Variants in CEP290 observed in about 807,000 individuals in gnomAD.
The protein encoded by CEP290 is centrosomal protein of 290 kDa.
In CEP290, 317 loss-of-function variants were observed where a neutral mutation model predicts 344.9. The ratio of observed to expected loss-of-function variants is 0.92; its 90% CI spans 0.84 to 1.01. The LOEUF (loss-of-function observed/expected upper bound fraction) is 1.01, where lower values mean the gene tolerates loss of function less well. CEP290 is among the 50% of genes least tolerant of loss of function. The pLI is 0.00. For synonymous variants in CEP290, 932 were observed against 895.8 expected, an observed-to-expected ratio of 1.04 and a Z score of -0.72; for missense variants, 2,754 against 2,761.4, an observed-to-expected ratio of 1.00 and a Z score of 0.06.
chr12:88,096,291 T>C (rs2037426440), intron 27 of CEP290, among the ~76,000 whole-genome samples: 1 of 152,084 alleles, frequency 6.6e-6, no homozygotes, highest in African/African-American at 2.4e-5. Context: ...CCAGGGGATC[T>C]GCTCTCCTCA....
chr12:88,130,614 C>T (rs2040010794), intron 7 of CEP290, 49 bp from the exon 8 acceptor site: 2 of 1,462,410 alleles, frequency 1.4e-6, no homozygotes, highest in African/African-American at 1.5e-5. Context: ...AAAGGTAATA[C>T]ATAATTAAAA....
intron 29 of CEP290, 110 bp downstream of exon 29, chr12:88,092,571 A>C (rs1565852361): frequency 1.2e-6 from 1 of 837,332 alleles, no homozygotes; most frequent in East Asian, 2.8e-5. Flanking sequence ...TTATAAAAAG[A>C]AATCAGTATC....
At chr12:88,139,844 T>C (rs1404863013) in intron 3 of CEP290, among the ~76,000 whole-genome samples, 1 of 152,170 alleles carries the variant, frequency 6.6e-6, no homozygotes, top group East Asian at 1.9e-4. Flanking sequence ...TCTTCCCATC[T>C]CAGTCTCCTG....
At chr12:88,116,826 T>A (rs890838881) in intron 18 of CEP290, among the ~76,000 whole-genome samples, 1 of 151,736 alleles carries the variant, frequency 6.6e-6, no homozygotes, top group Non-Finnish European at 1.5e-5. Context: ...TACAAAAAAT[T>A]AGCCGGGCGT....
chr12:88,096,337 T>C (rs1316506842), intron 27 of CEP290, among the ~76,000 whole-genome samples: 1 of 152,050 alleles, frequency 6.6e-6, no homozygotes. Flanking sequence ...TGTGAGCCAC[T>C]GCGCCGGCCA....
In CEP290 at chr12:88,121,007, T is replaced by C. The variant is rs777867610; in HGVS notation, c.1349A>G (p.Asp450Gly). 5.6e-6 allele frequency: 9 copies of C among 1,609,902 alleles called. No individual in the cohort carries two copies. Among genetic ancestry groups the C allele is most frequent in the Non-Finnish European group, 7.6e-6 (9 of 1,178,976 alleles). ...ELVEALKRLK[D>G]YESGVYGLED... ...GATAAAAATACATACCGATTCATAATCTTTTAACCTCTTCAGAGCCTCAAC... is the reference window on the plus strand; with the variant it reads ...GATAAAAATACATACCGATTCATAACCTTTTAACCTCTTCAGAGCCTCAAC... Residue 450 changes from aspartate to glycine, a missense_variant, in exon 14 of 54, where the codon GAT becomes GGT. Transcript: ENST00000552810.
intron 19 of CEP290, among the ~76,000 whole-genome samples, chr12:88,114,796 C>T (rs1225065441): frequency 6.6e-6 from 1 of 152,122 alleles, no homozygotes; most frequent in African/African-American, 2.4e-5. Flanking sequence ...TCTGCCTTAA[C>T]TTAAACTATG....
intron 31 of CEP290, 50 bp downstream of exon 31, chr12:88,088,982 C>G: frequency 1.5e-6 from 2 of 1,325,074 alleles, no homozygotes; most frequent in Non-Finnish European, 2.0e-6. Flanking sequence ...GCCTGGGAAA[C>G]AGATCAAGAT....
chr12:88,111,802 G>T lies in CEP290; in HGVS notation c.2109C>A (p.Ala703=). ...TTCTTCCGGTAAGCTGATCAACTTG[G>T]GCTTTCAAATGCAGACTCGCATCAA... ...GIFDASLHLK[A]QVDQLTGRNE... Residue 703 remains alanine, a synonymous_variant, in exon 21 of 54, where the codon GCC becomes GCA. Coordinates refer to ENST00000552810, the MANE Select transcript of CEP290 (RefSeq NM_025114.4). 6.2e-7 allele frequency: 1 copy of T among 1,604,986 alleles called. No homozygotes were observed. The highest frequency in any genetic ancestry group is 1.3e-5 in the African/African-American group (1 of 74,492).
chr12:88,073,182 T>C (rs1451332073), intron 41 of CEP290, among the ~76,000 whole-genome samples: 1 of 152,226 alleles, frequency 6.6e-6, no homozygotes, highest in African/African-American at 2.4e-5. Context: ...GGTTTTACTA[T>C]ACACTAAGTT....
At chr12:88,092,924 A>C in intron 28 of CEP290, 92 bp from the exon 29 acceptor site, 1 of 1,196,952 alleles carries the variant, frequency 8.4e-7, no homozygotes, top group South Asian at 1.3e-5. Flanking sequence ...AATCCTCTTT[A>C]CTTGGCCTTA....
rs768235992 is a variant in CEP290 at position 88,107,008 on chromosome 12, T to C, written c.2574A>G (p.Val858=). The C allele has an allele frequency of 2.6e-6, 4 of 1,546,778 alleles. No individual in the cohort carries two copies. The South Asian group carries it at 3.7e-5, about 14-fold the overall frequency. ...EDQVQQDAIK[V]KEYNNLLNAL... ...ATGTTTTACTTACATTATATTCTTT[T>C]ACTTTTATAGCATCTTGTTGGACTT... Residue 858 remains valine, a synonymous_variant, in exon 24 of 54, where the codon GTA becomes GTG. Transcript: ENST00000552810.
At chr12:88,086,555 G>A in intron 32 of CEP290, 57 bp from the exon 33 acceptor site, 2 of 1,147,198 alleles carry the variant, frequency 1.7e-6, no homozygotes, top group East Asian at 2.6e-5. Context: ...GCACATAACA[G>A]GCATTTTATA....
At chr12:88,104,022 CT>C (rs2038092288) in intron 25 of CEP290, 1 of 151,958 alleles carries the variant, frequency 6.6e-6, no homozygotes, top group African/African-American at 2.4e-5. Context: ...AAAACTAATT[CT>C]TTTCTCTTTC....
intron 35 of CEP290, among the ~76,000 whole-genome samples, chr12:88,084,178 A>G (rs1482072518): frequency 3.5e-4 from 53 of 152,164 alleles, no homozygotes; most frequent in Non-Finnish European, 4.4e-5. Flanking sequence ...TAACATTAGA[A>G]TGACATGTAT....
chr12:88,080,926 A>G (rs1432554175), intron 37 of CEP290, among the ~76,000 whole-genome samples: 1 of 152,196 alleles, frequency 6.6e-6, no homozygotes, highest in African/African-American at 2.4e-5. Context: ...AGTTTCTAAT[A>G]TTTTTGGCAA....
At chr12:88,138,307 A>C (rs999112168) in intron 5 of CEP290, among the ~76,000 whole-genome samples, 1 of 152,184 alleles carries the variant, frequency 6.6e-6, no homozygotes, top group Admixed American at 6.5e-5. Context: ...TCTATTCTAC[A>C]GCAGCTACCT....
chr12:88,087,749 G>T, intron 32 of CEP290, 31 bp downstream of exon 32: 3 of 823,580 alleles, frequency 3.6e-6, no homozygotes, highest in Non-Finnish European at 5.0e-6. Context: ...AAAAACTTAG[G>T]GAAAAAAATG....
Position 88,060,906 on chromosome 12 carries a change from T to C in CEP290, c.6446A>G (p.Glu2149Gly). The change falls in exon 47 of 54, where the codon GAA becomes GGA. Residue 2149 changes from glutamate (E) to glycine (G), a missense_variant. Coordinates refer to ENST00000552810, the MANE Select transcript of CEP290 (RefSeq NM_025114.4). ...TATTCCTGATGCTTTTTTCAACTGT[T>C]CATTTTCTCTCTGGACTTTTTCAAC... The part of the protein sequence containing the change: ...KVVEKVQREN[E>G]QLKKASGILT... The C allele has an allele frequency of 1.3e-6, 2 of 1,555,488 alleles. No individual in the cohort carries two copies. Among genetic ancestry groups the C allele is most frequent in the Admixed American group, 2.0e-5 (1 of 50,846 alleles).
Sources: allele counts gnomAD v4.1 joint callset (sites outside exome capture counted in the v4.1 genomes callset), GRCh38; gene constraint gnomAD v4.1.1; transcripts MANE v1.5; gene names NCBI Gene and HGNC (gene_info 2026-07-23, HGNC 2026-07-21).